Variants in SETD2 observed in about 807,000 individuals in gnomAD.
SETD2 encodes SET domain containing 2, histone lysine methyltransferase.
Under a neutral mutation model 242.1 loss-of-function variants are expected in SETD2, and 31 were observed. The observed-to-expected ratio is 0.13, with a 90% CI of 0.10 to 0.17. The LOEUF (loss-of-function observed/expected upper bound fraction) is 0.17, where lower values mean the gene tolerates loss of function less well. Ranked by LOEUF, SETD2 falls within the 10% of genes least tolerant of loss-of-function variation. The probability of loss-of-function intolerance (pLI) is 1.00; values close to 1 mark genes in which losing one functional copy is unlikely to be tolerated. For missense variants in SETD2, 2,481 were observed against 3,046.3 expected (o/e 0.81, Z 4.37); for synonymous variants, 1,006 against 1,066.5 (o/e 0.94, Z 1.11).
At chr3:47,138,622 T>C (rs1237727704) in intron 1 of SETD2, among the ~76,000 whole-genome samples, 1 of 151,982 alleles carries the variant, frequency 6.6e-6, no homozygotes, top group Non-Finnish European at 1.5e-5. Flanking sequence ...GGTTTCTCCA[T>C]GTTGGTCAGG....
At chr3:47,137,726 G>A (rs1052385593) in intron 1 of SETD2, among the ~76,000 whole-genome samples, 3 of 151,796 alleles carry the variant, frequency 2.0e-5, no homozygotes, top group Admixed American at 1.3e-4. Context: ...TCTTGCTGTC[G>A]CCCAGGCTGG....
intron 12 of SETD2, among the ~76,000 whole-genome samples, chr3:47,078,889 C>G (rs766361592): frequency 2.6e-5 from 4 of 151,944 alleles, no homozygotes; most frequent in Non-Finnish European, 5.9e-5. Context: ...TGCCACCATG[C>G]CTCGCTAATT....
At chr3:47,044,110 A>T (rs2039407510) in intron 16 of SETD2, among the ~76,000 whole-genome samples, 1 of 151,998 alleles carries the variant, frequency 6.6e-6, no homozygotes, top group African/African-American at 2.4e-5. Context: ...TGGAAGGCCG[A>T]GGCAGGTGGA....
intron 1 of SETD2, among the ~76,000 whole-genome samples, chr3:47,154,554 G>A (rs1011196676): frequency 5.3e-5 from 8 of 152,092 alleles, no homozygotes; most frequent in African/African-American, 9.7e-5. Flanking sequence ...AAAAGATCTC[G>A]AAAAATACAT....
rs2041414687 is a variant in SETD2 at position 47,083,711 on chromosome 3, C to T, written c.6060+9G>A. The T allele has an allele frequency of 6.3e-7, 1 of 1,587,476 alleles. No individual in the cohort carries two copies. Reference sequence around the variant, plus strand: ...TTCAAGTTGAAATGAACAAAAGATGCTTCCTTACCTTTAGGTCTTTCCAAC... The same window carrying T: ...TTCAAGTTGAAATGAACAAAAGATGTTTCCTTACCTTTAGGTCTTTCCAAC... On this transcript the variant is annotated intron_variant, in intron 12 of 20. Coordinates refer to ENST00000409792, the MANE Select transcript of SETD2 (RefSeq NM_014159.7).
intron 12 of SETD2, among the ~76,000 whole-genome samples, chr3:47,075,903 T>G (rs1173433332): frequency 2.0e-5 from 3 of 152,242 alleles, no homozygotes; most frequent in Non-Finnish European, 4.4e-5. Context: ...AGAAGCAGTA[T>G]GAAAGAAAGT....
intron 12 of SETD2, among the ~76,000 whole-genome samples, chr3:47,067,896 A>G (rs929717126): frequency 6.6e-6 from 1 of 152,220 alleles, no homozygotes; most frequent in Admixed American, 6.5e-5. Context: ...CTACTTTCAC[A>G]TTGTGTTTGT....
At chr3:47,067,529 C>T (rs377397667) in intron 12 of SETD2, among the ~76,000 whole-genome samples, 1 of 151,586 alleles carries the variant, frequency 6.6e-6, no homozygotes, top group African/African-American at 2.4e-5. Context: ...ATCCTTCTGC[C>T]CCAGCCTCCC....
rs148566844 is a variant in SETD2 at position 47,067,366 on chromosome 3, G to A, written c.6061-248C>T. Reference sequence around the variant, plus strand: ...CTTGTACGATCTCACTAGCAAAGCAGCATACTAAATGACTGGGCAAGGATA... The same window carrying A: ...CTTGTACGATCTCACTAGCAAAGCAACATACTAAATGACTGGGCAAGGATA... On this transcript the variant is annotated intron_variant, in intron 12 of 20. Transcript: ENST00000409792. Among the ~76,000 whole-genome samples the A allele has an allele frequency of 9.5e-5, 14 of 147,244 alleles. No homozygotes were observed. In the East Asian group the frequency reaches 2.0e-3, roughly 21 times the overall value.
chr3:47,067,267 A>G (rs966665770), intron 12 of SETD2, 149 bp from the exon 13 acceptor site: 4 of 645,794 alleles, frequency 6.2e-6, no homozygotes, highest in Non-Finnish European at 1.1e-5. Context: ...TGGGCTTTAA[A>G]TAAGAATATA....
At chr3:47,106,534 G>A (rs1458267368) in intron 5 of SETD2, among the ~76,000 whole-genome samples, 6 of 138,368 alleles carry the variant, frequency 4.3e-5, no homozygotes, top group East Asian at 2.0e-4. Flanking sequence ...AAAGGCAGCC[G>A]GGCGCAGAGG....
chr3:47,122,894 T>A lies in SETD2; in HGVS notation c.1742A>T (p.Glu581Val), dbSNP rs2106690155. The change falls in exon 3 of 21, where the codon GAA becomes GTA. Residue 581 changes from glutamate (E) to valine (V), a missense_variant. Glu to Val is a moderately radical substitution (Grantham distance 121, BLOSUM62 -2). Transcript: ENST00000409792. ...NSFCCTELNEEIKQSHSFSLQ... is the reference protein window; with the variant it reads ...NSFCCTELNEVIKQSHSFSLQ... ...ACTAAAAGAATGAGACTGTTTGATTTCTTCATTTAATTCTGTACAACAGAA... is the reference window on the plus strand; with the variant it reads ...ACTAAAAGAATGAGACTGTTTGATTACTTCATTTAATTCTGTACAACAGAA... The A allele has an allele frequency of 9.9e-6, 16 of 1,610,502 alleles. No individual in the cohort carries two copies. Among genetic ancestry groups the A allele is most frequent in the Non-Finnish European group, 1.4e-5 (16 of 1,178,512 alleles).
upstream of SETD2, among the ~76,000 whole-genome samples, chr3:47,164,775 C>T (rs1433278044): frequency 6.6e-6 from 1 of 152,252 alleles, no homozygotes; most frequent in Non-Finnish European, 1.5e-5. This position sits in a 1 kb window ranked among gnomAD's most constrained non-coding sequence, Gnocchi z 5.4. Context: ...CGCCTTCCTT[C>T]CCGCTGTGCC....
intron 9 of SETD2, among the ~76,000 whole-genome samples, chr3:47,089,227 CTT>C (rs2041694344): frequency 1.3e-5 from 2 of 152,286 alleles, no homozygotes; most frequent in South Asian, 4.1e-4. Context: ...AGGAAGATGA[CTT>C]GAGCTCAGGA....
chr3:47,026,113 AAAAC>A (rs2038464773), intron 18 of SETD2, among the ~76,000 whole-genome samples: 4 of 152,244 alleles, frequency 2.6e-5, no homozygotes, highest in South Asian at 2.1e-4. Flanking sequence ...TTACAAGAAA[AAAAC>A]AAACAACTCC....
At chr3:47,097,849 G>T (rs2107673355) in intron 9 of SETD2, 106 bp downstream of exon 9, 1 of 1,065,596 alleles carries the variant, frequency 9.4e-7, no homozygotes, top group Non-Finnish European at 1.4e-6. Flanking sequence ...ATCTGATCTT[G>T]GATTTCTCTG....
chr3:47,163,031 A>G (rs1488671343), intron 1 of SETD2, among the ~76,000 whole-genome samples: 1 of 152,208 alleles, frequency 6.6e-6, no homozygotes, highest in Non-Finnish European at 1.5e-5. Context: ...CAAGAAATAG[A>G]AAGTCATCCG....
intron 1 of SETD2, chr3:47,157,447 T>C: frequency 2.2e-6 from 1 of 455,974 alleles, no homozygotes; most frequent in Non-Finnish European, 4.4e-6. Context: ...GACTGCTTTG[T>C]ATCTCATTTG....
rs559895849 is a variant in SETD2, at chr3:47,061,939, T to C, written c.6293+224A>G. ...AAAACGACATTTAAATATTATCAAATAGGAGCCATTCAAGAATCAAAACCT... is the reference window on the plus strand; with the variant it reads ...AAAACGACATTTAAATATTATCAAACAGGAGCCATTCAAGAATCAAAACCT... On this transcript the variant is annotated intron_variant, in intron 14 of 20. Coordinates refer to ENST00000409792, the MANE Select transcript of SETD2 (RefSeq NM_014159.7). Among the ~76,000 whole-genome samples the C allele has an allele frequency of 6.6e-5, 10 of 152,310 alleles. No individual in the cohort carries two copies. The East Asian group carries it at 1.7e-3, about 26-fold the overall frequency.
Sources: gnomAD v4.1 joint callset for allele counts (sites outside exome capture counted in the v4.1 genomes callset) on GRCh38, gnomAD v4.1.1 for gene constraint, Gnocchi (gnomAD v3.1) non-coding constraint, MANE v1.5 for transcripts, NCBI Gene and HGNC (gene_info 2026-07-23, HGNC 2026-07-21) for gene names.